The following MID1 variants were observed in gnomAD, a reference collection of about 807,000 sequenced individuals.
MID1 encodes midline 1, also known as E3 ubiquitin-protein ligase Midline-1.
MID1 carries 7 observed loss-of-function variants against 40.4 expected under a neutral mutation model. The observed-to-expected ratio is 0.17, with a 90% CI of 0.10 to 0.33. MID1 has a LOEUF of 0.33. Ranked by LOEUF, MID1 falls within the 10% of genes least tolerant of loss-of-function variation. The pLI is 1.00. For synonymous variants in MID1, 229 were observed against 221.2 expected (o/e 1.04, Z -0.31); for missense variants, 367 against 558.5 (o/e 0.66, Z 3.46).
chrX:10,521,106 AAG>A (rs1449187736), intron 3 of MID1, among the ~76,000 whole-genome samples: 1 of 74,894 alleles, frequency 1.3e-5, no homozygotes, highest in Non-Finnish European at 2.4e-5. Context: ...GAGCAAGAGA[AAG>A]AGTGTGTATG....
chrX:10,785,671 C>A (rs1330662913), intron 1 of MID1, among the ~76,000 whole-genome samples: 1 of 111,157 alleles, frequency 9.0e-6, no homozygotes, highest in African/African-American at 3.3e-5. Flanking sequence ...CGCATATCTA[C>A]AACCATCTGA....
At chrX:10,662,456 C>G (rs974778128) in intron 1 of MID1, among the ~76,000 whole-genome samples, 1 of 110,540 alleles carries the variant, frequency 9.0e-6, no homozygotes, top group Admixed American at 9.6e-5. Context: ...AGGACTATCA[C>G]AAACCAAAGT....
chrX:10,809,241 C>G (rs2044074891), intron 1 of MID1, among the ~76,000 whole-genome samples: 1 of 111,831 alleles, frequency 8.9e-6, no homozygotes, highest in African/African-American at 3.3e-5. Context: ...CCATCTCACA[C>G]CAGTTAGAAT....
intron 1 of MID1, among the ~76,000 whole-genome samples, chrX:10,722,384 G>A (rs2043362223): frequency 8.9e-6 from 1 of 111,803 alleles, no homozygotes. Context: ...AAATCATCTA[G>A]AGATATTACA....
At position 10,832,479 on chromosome X, in the gene MID1, G is replaced by C. The variant is rs1384423575; in HGVS notation, c.-187+1075C>G. 3.6e-5 allele frequency among the ~76,000 whole-genome samples: 4 copies of C among 111,991 alleles called. No individual in the cohort carries two copies. In the Admixed American group the frequency reaches 3.8e-4, roughly 11 times the overall value. ...CTGAAATTGAGTCTTTGTGCCACTT[G>C]TTGCAGTCAGTAGCACAAACCTGCT... On this transcript the variant is annotated intron_variant, in intron 1 of 10. Transcript: ENST00000380785.
intron 1 of MID1, among the ~76,000 whole-genome samples, chrX:10,580,113 T>TACAC (rs34361228): frequency 1.1e-4 from 11 of 100,336 alleles, no homozygotes; most frequent in East Asian, 6.2e-4. Context: ...TTAAAACACA[T>TACAC]ACACACACAC....
intron 1 of MID1, among the ~76,000 whole-genome samples, chrX:10,704,737 T>TACACAC (rs1463296582): frequency 3.0e-3 from 260 of 86,612 alleles, no homozygotes; most frequent in African/African-American, 0.013. Flanking sequence ...TATATATATA[T>TACACAC]ATACACACAC....
At position 10,602,225 on chromosome X, in the gene MID1, C is replaced by CTTTTTT. The variant is rs56897260; in HGVS notation, c.-57+18059_-57+18064dup. ...TAACAATTAAGCAAATAGTTTCTGA[C>CTTTTTT]TTTTTTTTTTTTTTTTTTACCACCA... On this transcript the variant is annotated intron_variant, in intron 1 of 9. Coordinates refer to ENST00000317552, the MANE Select transcript of MID1 (RefSeq NM_000381.4). 1.5e-3 allele frequency among the ~76,000 whole-genome samples: 127 copies of CTTTTTT among 83,528 alleles called. 1 individual carries two copies. Among genetic ancestry groups the CTTTTTT allele is most frequent in the African/African-American group, 3.5e-3 (72 of 20,560 alleles). 72.5% of individuals were successfully genotyped at this position (83,528 alleles called of 115,157 possible). A position where few individuals can be genotyped will look rare whatever the true frequency, so the allele number is the denominator to read the frequency against.
chrX:10,628,081 G>GT (rs781076710), intron 1 of MID1, among the ~76,000 whole-genome samples: 2,246 of 107,592 alleles, frequency 0.021, 20 homozygotes, highest in Middle Eastern at 0.042. Context: ...CATGGTGTGT[G>GT]TTTTTTTTTA....
intron 1 of MID1, chrX:10,677,867 C>T (rs1044894651): frequency 2.7e-5 from 3 of 110,317 alleles, no homozygotes; most frequent in Middle Eastern, 4.1e-3. Flanking sequence ...ATTGCCTCTG[C>T]TTGGTGACAA....
chrX:10,833,023 C>T (rs776936090), intron 1 of MID1, among the ~76,000 whole-genome samples: 1 of 112,747 alleles, frequency 8.9e-6, no homozygotes, highest in African/African-American at 3.2e-5. Context: ...GAGGCCAGCT[C>T]GGCTTCTATT....
At chrX:10,813,614 G>A (rs761642048) in intron 1 of MID1, among the ~76,000 whole-genome samples, 4 of 111,131 alleles carry the variant, frequency 3.6e-5, no homozygotes, top group Non-Finnish European at 7.5e-5. Context: ...TGTGATGGAT[G>A]CCTCTGCTAG....
intron 1 of MID1, among the ~76,000 whole-genome samples, chrX:10,574,827 ACTGGGTGGC>A (rs1456120515): frequency 8.9e-6 from 1 of 112,599 alleles, no homozygotes; most frequent in East Asian, 2.8e-4. Context: ...GTATGCCAAC[ACTGGGTGGC>A]CTGTGATTAA....
At chrX:10,604,190 G>A (rs1211955615) in intron 1 of MID1, among the ~76,000 whole-genome samples, 1 of 111,013 alleles carries the variant, frequency 9.0e-6, no homozygotes, top group Non-Finnish European at 1.9e-5. Flanking sequence ...TTGAGCCAAA[G>A]GCTAAAAACA....
At chrX:10,631,498 A>G (rs1287914753) in intron 1 of MID1, among the ~76,000 whole-genome samples, 1 of 111,854 alleles carries the variant, frequency 8.9e-6, no homozygotes, top group Non-Finnish European at 1.9e-5. Flanking sequence ...TCCTGAAAAC[A>G]TGCCCTTAAC....
At chrX:10,749,545 TA>T (rs762780166) in intron 1 of MID1, among the ~76,000 whole-genome samples, 1 of 112,198 alleles carries the variant, frequency 8.9e-6, no homozygotes, top group East Asian at 2.8e-4. Context: ...TGCATTGCTA[TA>T]AAGAAATACC....
intron 2 of MID1, among the ~76,000 whole-genome samples, chrX:10,533,164 C>T (rs1165045668): frequency 9.1e-6 from 1 of 109,429 alleles, no homozygotes; most frequent in Non-Finnish European, 1.9e-5. Flanking sequence ...TTTCTGTAGC[C>T]ATAAAGTATT....
In MID1 at chrX:10,640,598, CA is replaced by C. The variant is rs759520138; in HGVS notation, c.-186-20180del. Among the ~76,000 whole-genome samples the C allele has an allele frequency of 3.4e-3, 383 of 111,296 alleles. 4 individuals are homozygous for C. Among genetic ancestry groups the C allele is most frequent in the African/African-American group, 0.012 (366 of 30,592 alleles). ...TTAACACCCCACTGTCAACATTAGA[CA>C]AATCAACAAGACAGAAAGTTAACAA... On this transcript the variant is annotated intron_variant, in intron 1 of 10. Transcript: ENST00000380785.
intron 1 of MID1, among the ~76,000 whole-genome samples, chrX:10,656,165 G>A: frequency 8.9e-6 from 1 of 111,887 alleles, no homozygotes; most frequent in South Asian, 3.8e-4. Context: ...AGAGCTTCTT[G>A]TGCTTGTGTC....
Sources: allele counts gnomAD v4.1 joint callset (sites outside exome capture counted in the v4.1 genomes callset), GRCh38; gene constraint gnomAD v4.1.1; transcripts MANE v1.5; gene names NCBI Gene and HGNC (gene_info 2026-07-23, HGNC 2026-07-21).